Variants in DRC11 observed in about 807,000 individuals in gnomAD.
The protein encoded by DRC11 is dynein regulatory complex subunit 11.
chr2:236,418,635 C>T, the DRC11 span, among the ~76,000 whole-genome samples: 4 of 152,178 alleles, frequency 2.6e-5, no homozygotes, highest in Admixed American at 6.5e-5. Flanking sequence ...CCCCCCTACA[C>T]GACGGAAGGA....
At chr2:236,437,458 G>A in the DRC11 span, among the ~76,000 whole-genome samples, 1 of 151,668 alleles carries the variant, frequency 6.6e-6, no homozygotes, top group Non-Finnish European at 1.5e-5. Flanking sequence ...TATATACCCA[G>A]TAATGGGATG....
chr2:236,505,848 A>G, the DRC11 span, among the ~76,000 whole-genome samples: 1 of 152,044 alleles, frequency 6.6e-6, no homozygotes, highest in East Asian at 1.9e-4. Context: ...CCTTCCACAC[A>G]CAAACATTCT....
At chr2:236,323,705 T>C in the DRC11 span, among the ~76,000 whole-genome samples, 10 of 152,208 alleles carry the variant, frequency 6.6e-5, no homozygotes, top group Non-Finnish European at 1.5e-5. This position sits in a 1 kb window ranked among gnomAD's most constrained non-coding sequence, Gnocchi z 6.4. Context: ...AACCCCAAAC[T>C]GTCAGACAAG....
the DRC11 span, among the ~76,000 whole-genome samples, chr2:236,454,021 G>C: frequency 6.6e-6 from 1 of 152,162 alleles, no homozygotes; most frequent in Non-Finnish European, 1.5e-5. This position sits in a 1 kb window ranked among gnomAD's most constrained non-coding sequence, Gnocchi z 5.3. Flanking sequence ...GGGCAGCAGT[G>C]ACTGCTTAGC....
At chr2:236,385,060 G>A in the DRC11 span, among the ~76,000 whole-genome samples, 9 of 151,764 alleles carry the variant, frequency 5.9e-5, no homozygotes, top group Non-Finnish European at 1.3e-4. Context: ...TTTGGTTACT[G>A]TAGCCTTGTA....
At chr2:236,457,510 C>T in the DRC11 span, among the ~76,000 whole-genome samples, 1 of 152,174 alleles carries the variant, frequency 6.6e-6, no homozygotes, top group Non-Finnish European at 1.5e-5. This position sits in a 1 kb window ranked among gnomAD's most constrained non-coding sequence, Gnocchi z 4.7. Context: ...TTGTAGTAGA[C>T]ACTGAATAAT....
At chr2:236,405,957 G>A in the DRC11 span, among the ~76,000 whole-genome samples, 10 of 152,314 alleles carry the variant, frequency 6.6e-5, no homozygotes, top group African/African-American at 1.7e-4. This position sits in a 1 kb window ranked among gnomAD's most constrained non-coding sequence, Gnocchi z 4.6. Context: ...ACACTTGACC[G>A]TGGGTAACTG....
the DRC11 span, among the ~76,000 whole-genome samples, chr2:236,458,949 G>C: frequency 6.6e-6 from 1 of 152,162 alleles, no homozygotes; most frequent in Non-Finnish European, 1.5e-5. Context: ...GGAGGCTGAA[G>C]CAAGAGAATT....
the DRC11 span, chr2:236,331,670 G>T: frequency 1.8e-6 from 2 of 1,126,288 alleles, no homozygotes; most frequent in Non-Finnish European, 2.6e-6. This position sits in a 1 kb window ranked among gnomAD's most constrained non-coding sequence, Gnocchi z 4.8. Flanking sequence ...CCTCTCGGTT[G>T]AAAGTTGCAT....
the DRC11 span, chr2:236,486,836 A>C: frequency 1.2e-6 from 2 of 1,608,314 alleles, no homozygotes; most frequent in African/African-American, 1.3e-5. This position sits in a 1 kb window ranked among gnomAD's most constrained non-coding sequence, Gnocchi z 5.7. Flanking sequence ...TACCATACCC[A>C]GGAAGATCAT....
chr2:236,423,899 A>T, the DRC11 span, among the ~76,000 whole-genome samples: 1 of 152,022 alleles, frequency 6.6e-6, no homozygotes, highest in African/African-American at 2.4e-5. Flanking sequence ...ATGTCCTTTG[A>T]AGGGACATGG....
At chr2:236,354,309 G>C in the DRC11 span, among the ~76,000 whole-genome samples, 68 of 152,156 alleles carry the variant, frequency 4.5e-4, no homozygotes, top group South Asian at 2.5e-3. Flanking sequence ...ATGTGTGCAT[G>C]TGTGTGCATG....
At chr2:236,392,382 AG>A in the DRC11 span, 1 of 1,291,906 alleles carries the variant, frequency 7.7e-7, no homozygotes, top group Non-Finnish European at 1.1e-6. This position sits in a 1 kb window ranked among gnomAD's most constrained non-coding sequence, Gnocchi z 5.1. Context: ...AAAAAGAAAA[AG>A]AAAAAATTTT....
the DRC11 span, among the ~76,000 whole-genome samples, chr2:236,440,263 T>C: frequency 1.3e-5 from 2 of 151,780 alleles, no homozygotes; most frequent in Admixed American, 6.6e-5. Context: ...AAATGTCAAA[T>C]GAATGATGTT....
chr2:236,497,225 C>G, the DRC11 span: 1 of 1,613,418 alleles, frequency 6.2e-7, no homozygotes. This position sits in a 1 kb window ranked among gnomAD's most constrained non-coding sequence, Gnocchi z 5.1. Flanking sequence ...AGTTCCAGCT[C>G]CACCATCTCG....
the DRC11 span, among the ~76,000 whole-genome samples, chr2:236,484,553 T>C: frequency 2.2e-4 from 34 of 152,070 alleles, no homozygotes; most frequent in Non-Finnish European, 4.4e-4. Context: ...TCTAAAGCTA[T>C]ACTAATATGA....
the DRC11 span, among the ~76,000 whole-genome samples, chr2:236,495,570 T>G: frequency 1.3e-5 from 2 of 152,090 alleles, no homozygotes; most frequent in Non-Finnish European, 2.9e-5. This position sits in a 1 kb window ranked among gnomAD's most constrained non-coding sequence, Gnocchi z 5.6. Context: ...GTGGGCCCAT[T>G]AGGAAAGGTT....
At chr2:236,485,018 A>T in the DRC11 span, among the ~76,000 whole-genome samples, 3 of 152,140 alleles carry the variant, frequency 2.0e-5, no homozygotes, top group African/African-American at 7.2e-5. Flanking sequence ...ACCCAAACTA[A>T]CAGAAGGACT....
At chr2:236,323,098 C>T in the DRC11 span, among the ~76,000 whole-genome samples, 2 of 152,186 alleles carry the variant, frequency 1.3e-5, no homozygotes, top group African/African-American at 2.4e-5. The surrounding 1 kb of genome is among the most constrained non-coding windows in gnomAD (Gnocchi z 6.4). Flanking sequence ...TTTTAAAAAA[C>T]GGTTTACTTT....
Sources: gnomAD v4.1 joint callset for allele counts (sites outside exome capture counted in the v4.1 genomes callset) on GRCh38, gnomAD v4.1.1 for gene constraint, Gnocchi (gnomAD v3.1) non-coding constraint, MANE v1.5 for transcripts, NCBI Gene and HGNC (gene_info 2026-07-23, HGNC 2026-07-21) for gene names.